The following CDK14 variants were observed in gnomAD, a reference collection of about 807,000 sequenced individuals.
The protein encoded by CDK14 is cyclin dependent kinase 14.
Under a neutral mutation model 60.7 loss-of-function variants are expected in CDK14, and 34 were observed. That is an observed-to-expected ratio of 0.56 (90% CI 0.43 to 0.75). The LOEUF (loss-of-function observed/expected upper bound fraction) is 0.75, where lower values mean the gene tolerates loss of function less well. Ranked by LOEUF, CDK14 falls within the 30% of genes least tolerant of loss-of-function variation. CDK14 has a pLI of 0.00. For missense variants in CDK14, 482 were observed against 564.1 expected (o/e 0.85, Z 1.47); for synonymous variants, 197 against 203.7 (o/e 0.97, Z 0.28).
intron 5 of CDK14, among the ~76,000 whole-genome samples, chr7:90,831,875 A>G (rs550745479): frequency 1.3e-5 from 2 of 152,106 alleles, no homozygotes; most frequent in East Asian, 3.9e-4. Flanking sequence ...ATTCTTAGCC[A>G]CACTGGTCTC....
intron 2 of CDK14, among the ~76,000 whole-genome samples, chr7:90,617,294 T>G (rs1398315251): frequency 6.6e-6 from 1 of 152,026 alleles, no homozygotes; most frequent in Non-Finnish European, 1.5e-5. Context: ...AATCTAGTAT[T>G]CTAACCTAGT....
intron 12 of CDK14, among the ~76,000 whole-genome samples, chr7:91,109,856 G>A (rs1274601444): frequency 2.0e-5 from 3 of 151,990 alleles, no homozygotes; most frequent in African/African-American, 7.2e-5. Flanking sequence ...CTTTATGAAA[G>A]ATAAAGAGTG....
chr7:91,078,967 T>C (rs1020107854), intron 11 of CDK14, among the ~76,000 whole-genome samples: 4 of 152,216 alleles, frequency 2.6e-5, no homozygotes, highest in African/African-American at 7.2e-5. Context: ...TATAGGACCC[T>C]GGTAGTTTGG....
chr7:91,060,867 A>G (rs1797762643), intron 11 of CDK14, among the ~76,000 whole-genome samples: 1 of 152,062 alleles, frequency 6.6e-6, no homozygotes. Context: ...TGAATCTGAC[A>G]ATTATGTGTC....
Position 90,874,729 on chromosome 7 carries a change from C to G in CDK14, c.639+11460C>G, listed in dbSNP as rs190224681. Among the ~76,000 whole-genome samples the G allele has an allele frequency of 8.2e-3, 1,239 of 150,312 alleles. 24 individuals are homozygous for G. Among genetic ancestry groups the G allele is most frequent in the African/African-American group, 0.026 (1,072 of 40,892 alleles). ...ATTTTTAGTAGAGACGGGGTTTCAC[C>G]TTGTTAGCCAGGATGGTCTCGATCT... is the stretch of plus-strand genomic sequence containing the variant. On this transcript the variant is annotated intron_variant, in intron 6 of 14. Coordinates refer to ENST00000380050, the MANE Select transcript of CDK14 (RefSeq NM_001287135.2).
intron 8 of CDK14, among the ~76,000 whole-genome samples, chr7:90,933,133 AGTTC>A: frequency 6.6e-6 from 1 of 152,122 alleles, no homozygotes; most frequent in East Asian, 1.9e-4. Context: ...TGAGCTCAAG[AGTTC>A]AAGACCAGCC....
intron 4 of CDK14, among the ~76,000 whole-genome samples, chr7:90,772,809 C>T (rs1177682310): frequency 6.6e-6 from 1 of 152,092 alleles, no homozygotes; most frequent in Non-Finnish European, 1.5e-5. Context: ...TTAAGCCCAT[C>T]CACTAAAAGG....
At chr7:91,192,633 A>C (rs1802401163) in intron 14 of CDK14, among the ~76,000 whole-genome samples, 1 of 152,178 alleles carries the variant, frequency 6.6e-6, no homozygotes, top group Admixed American at 6.5e-5. Flanking sequence ...AGCCGTGAGA[A>C]GCTCTCACAA....
At chr7:90,681,095 T>C (rs1019621123) in intron 2 of CDK14, among the ~76,000 whole-genome samples, 1 of 152,254 alleles carries the variant, frequency 6.6e-6, no homozygotes, top group Non-Finnish European at 1.5e-5. Context: ...TCTCCTCTTA[T>C]GTTCTGTTAT....
intron 4 of CDK14, among the ~76,000 whole-genome samples, chr7:90,780,007 A>G (rs1212404348): frequency 2.0e-5 from 3 of 152,156 alleles, no homozygotes; most frequent in Non-Finnish European, 2.9e-5. Context: ...AATTTCTCCT[A>G]TAGAGCTTTA....
chr7:91,039,980 G>T (rs1015326544), intron 10 of CDK14, among the ~76,000 whole-genome samples: 1 of 152,078 alleles, frequency 6.6e-6, no homozygotes, highest in Non-Finnish European at 1.5e-5. Context: ...CCAGCTACTC[G>T]AGAGGCTGAG....
In CDK14 at chr7:90,604,231, T is replaced by C; in HGVS notation, c.105T>C (p.Asp35=). The change falls in exon 2 of 15, where the codon GAT becomes GAC. Residue 35 remains aspartate, a synonymous_variant. Transcript: ENST00000380050. ...ESFSRIALKK[D]DTTFDEICVT... ...CTTATTTTATAGCTTTGAAGAAAGA[T>C]GACACCACCTTTGATGAGGTAGGTT... 6.5e-7 allele frequency: 1 copy of C among 1,543,296 alleles called. No homozygotes were observed. The highest frequency in any genetic ancestry group is 8.8e-7 in the Non-Finnish European group (1 of 1,136,978).
At chr7:90,689,541 T>C (rs1801510928) in intron 2 of CDK14, among the ~76,000 whole-genome samples, 1 of 152,094 alleles carries the variant, frequency 6.6e-6, no homozygotes, top group Non-Finnish European at 1.5e-5. Context: ...TTGGTCTCCT[T>C]TGAGGAGAAA....
At chr7:90,788,076 C>T (rs117638749) in intron 4 of CDK14, among the ~76,000 whole-genome samples, 119 of 152,252 alleles carry the variant, frequency 7.8e-4, no homozygotes, top group Non-Finnish European at 1.4e-3. Context: ...TTCCTATATT[C>T]CAGAACTCAG....
At chr7:91,115,701 T>A (rs986865338) in intron 13 of CDK14, among the ~76,000 whole-genome samples, 1 of 152,178 alleles carries the variant, frequency 6.6e-6, no homozygotes, top group Non-Finnish European at 1.5e-5. Context: ...TAGTGTAATA[T>A]GTCAGACCCC....
chr7:90,858,200 T>C (rs958436496), intron 5 of CDK14, among the ~76,000 whole-genome samples: 1 of 152,222 alleles, frequency 6.6e-6, no homozygotes, highest in African/African-American at 2.4e-5. Flanking sequence ...TTTTCTATAA[T>C]ATTAGTCACT....
chr7:90,635,301 A>G (rs373208197), intron 2 of CDK14, among the ~76,000 whole-genome samples: 1 of 152,140 alleles, frequency 6.6e-6, no homozygotes, highest in Admixed American at 6.6e-5. Context: ...ATCTTGAATT[A>G]ATTTTTGTAT....
intron 4 of CDK14, among the ~76,000 whole-genome samples, chr7:90,776,158 C>T (rs986521516): frequency 2.6e-5 from 4 of 152,082 alleles, no homozygotes; most frequent in Admixed American, 1.3e-4. Flanking sequence ...CTGTGCTTTG[C>T]CTTCTTTTGA....
intron 5 of CDK14, among the ~76,000 whole-genome samples, chr7:90,835,594 G>A (rs10260473): frequency 0.72 from 109,646 of 152,022 alleles, 39,748 homozygotes; most frequent in East Asian, 0.89. Context: ...ACATGATCCT[G>A]TCATTCTGCA....
Sources: gnomAD v4.1 joint callset for allele counts (sites outside exome capture counted in the v4.1 genomes callset) on GRCh38, gnomAD v4.1.1 for gene constraint, MANE v1.5 for transcripts, NCBI Gene and HGNC (gene_info 2026-07-23, HGNC 2026-07-21) for gene names.